Variants in GRM5 observed in about 807,000 individuals in gnomAD.
GRM5 encodes glutamate metabotropic receptor 5, also known as metabotropic glutamate receptor 5.
Under a neutral mutation model 83.1 loss-of-function variants are expected in GRM5, and 19 were observed. The ratio of observed to expected loss-of-function variants is 0.23; its 90% CI spans 0.16 to 0.34. The LOEUF is 0.34. GRM5 is among the 10% of genes least tolerant of loss of function. GRM5 has a pLI of 1.00. For synonymous variants in GRM5, 675 were observed against 633.6 expected (o/e 1.07, Z -0.98); for missense variants, 1,160 against 1,588.3 (o/e 0.73, Z 4.58).
intron 2 of GRM5, among the ~76,000 whole-genome samples, chr11:88,987,736 C>A (rs1161786098): frequency 6.6e-6 from 1 of 151,358 alleles, no homozygotes; most frequent in African/African-American, 2.4e-5. Flanking sequence ...GGAGGCACCC[C>A]CCAGCAGGGG....
intron 9 of GRM5, 66 bp from the exon 10 acceptor site, chr11:88,509,570 C>A: frequency 8.2e-7 from 1 of 1,220,878 alleles, no homozygotes; most frequent in African/African-American, 1.5e-5. Context: ...TGCCGCTTCC[C>A]CAATGGTGGT....
chr11:88,867,842 T>C (rs757750536), intron 2 of GRM5, among the ~76,000 whole-genome samples: 24 of 151,918 alleles, frequency 1.6e-4, no homozygotes, highest in Non-Finnish European at 3.2e-4. Context: ...AATACATTTC[T>C]GTTGTTTACG....
intron 3 of GRM5, among the ~76,000 whole-genome samples, chr11:88,701,383 G>A (rs925306131): frequency 6.6e-6 from 1 of 152,068 alleles, no homozygotes; most frequent in African/African-American, 2.4e-5. Context: ...TGACATTCTG[G>A]GTCACAATTA....
intron 2 of GRM5, among the ~76,000 whole-genome samples, chr11:88,991,844 C>T (rs1308243395): frequency 2.0e-5 from 3 of 152,152 alleles, no homozygotes; most frequent in African/African-American, 4.8e-5. Context: ...CTTCCTTACA[C>T]CTTATACAAA....
chr11:88,943,745 T>A (rs1220254677), intron 2 of GRM5, among the ~76,000 whole-genome samples: 4 of 152,032 alleles, frequency 2.6e-5, no homozygotes, highest in Non-Finnish European at 5.9e-5. Context: ...TACCTCAACA[T>A]ATAGGTTTCA....
chr11:88,732,918 T>C (rs1374253669), intron 3 of GRM5, among the ~76,000 whole-genome samples: 1 of 151,980 alleles, frequency 6.6e-6, no homozygotes, highest in Admixed American at 6.6e-5. Flanking sequence ...AAATTAAGAC[T>C]CTTGCCAAAG....
At chr11:88,643,248 G>T (rs1247782427) in intron 4 of GRM5, among the ~76,000 whole-genome samples, 2 of 133,324 alleles carry the variant, frequency 1.5e-5, no homozygotes, top group African/African-American at 5.3e-5. Context: ...AAAAGACAGA[G>T]TAGGGTAGAG....
intron 3 of GRM5, among the ~76,000 whole-genome samples, chr11:88,674,144 C>T (rs963476491): frequency 1.3e-5 from 2 of 151,780 alleles, no homozygotes; most frequent in African/African-American, 4.8e-5. Context: ...TTGGGAGTCA[C>T]TGACCTTTGC....
At chr11:89,061,395 C>T (rs980520872) in intron 1 of GRM5, among the ~76,000 whole-genome samples, 2 of 152,082 alleles carry the variant, frequency 1.3e-5, no homozygotes, top group Non-Finnish European at 2.9e-5. Flanking sequence ...CCAAAATGAT[C>T]ATTCTGTAAA....
chr11:89,065,221 G>A (rs1441049514), intron 1 of GRM5, among the ~76,000 whole-genome samples: 1 of 150,888 alleles, frequency 6.6e-6, no homozygotes, highest in Non-Finnish European at 1.5e-5. Flanking sequence ...ACACCTAATG[G>A]GCTCAAAGAT....
At chr11:88,924,134 C>A (rs1248047275) in intron 2 of GRM5, among the ~76,000 whole-genome samples, 46 of 146,870 alleles carry the variant, frequency 3.1e-4, no homozygotes, top group East Asian at 8.0e-4. Context: ...TAGCTATAAT[C>A]AAAAAAAAAA....
rs200836634 is a variant in GRM5, at chr11:88,604,714, A to G, written c.1394+4T>C. 55 of 1,609,506 alleles carry G rather than the reference A, an allele frequency of 3.4e-5. No individual in the cohort carries two copies. Among genetic ancestry groups the G allele is most frequent in the Non-Finnish European group, 4.3e-5 (50 of 1,176,126 alleles). ...CTCTGCAGAGGAGAATTGTAACACAATACCTTCCTGGAGAGTCTCCATTCT... is the reference window on the plus strand; with the variant it reads ...CTCTGCAGAGGAGAATTGTAACACAGTACCTTCCTGGAGAGTCTCCATTCT... On this transcript the variant is annotated splice_donor_region_variant and intron_variant, in intron 5 of 9. Transcript: ENST00000305447.
rs1278692020 is a variant in GRM5 at position 88,567,406 on chromosome 11, G to A, written c.2277C>T (p.Phe759=). 6.2e-7 allele frequency: 1 copy of A among 1,613,920 alleles called. No homozygotes were observed. Among genetic ancestry groups the A allele is most frequent in the East Asian group, 2.2e-5 (1 of 44,876 alleles). ...AGTTAGCTGGAACATTTCTGGTCTTGAACGCATAGAAGGTGCAGCTCAAAA... is the reference window on the plus strand; with the variant it reads ...AGTTAGCTGGAACATTTCTGGTCTTAAACGCATAGAAGGTGCAGCTCAAAA... ...LLILSCTFYA[F]KTRNVPANFN... Residue 759 remains phenylalanine, a synonymous_variant, in exon 8 of 10, where the codon TTC becomes TTT. Transcript: ENST00000305447. This position sits in a 1 kb window ranked among gnomAD's most constrained non-coding sequence, Gnocchi z 7.3.
chr11:88,830,745 T>C (rs771263952), intron 3 of GRM5, among the ~76,000 whole-genome samples: 5 of 152,202 alleles, frequency 3.3e-5, no homozygotes, highest in Non-Finnish European at 7.3e-5. Context: ...TGTGTATTCG[T>C]CTGTTTTTAT....
At chr11:88,689,341 A>G (rs2135357276) in intron 3 of GRM5, among the ~76,000 whole-genome samples, 1 of 152,336 alleles carries the variant, frequency 6.6e-6, no homozygotes, top group South Asian at 2.1e-4. Flanking sequence ...ACAAAGAACA[A>G]TATGACCTTA....
intron 2 of GRM5, among the ~76,000 whole-genome samples, chr11:88,914,045 A>C (rs1945549036): frequency 6.6e-6 from 1 of 152,160 alleles, no homozygotes; most frequent in South Asian, 2.1e-4. Context: ...ATATGGGGTA[A>C]ATTCTGTACC....
chr11:88,654,185 A>C (rs1049180261), intron 3 of GRM5, among the ~76,000 whole-genome samples: 3 of 152,164 alleles, frequency 2.0e-5, no homozygotes, highest in African/African-American at 7.2e-5. Context: ...TAGGAATTTT[A>C]AGATAAAAGT....
chr11:88,765,529 A>T (rs1942611451), intron 3 of GRM5, among the ~76,000 whole-genome samples: 1 of 151,714 alleles, frequency 6.6e-6, no homozygotes, highest in Non-Finnish European at 1.5e-5. Flanking sequence ...GCCTAGAAAC[A>T]ATCCTTCACA....
At chr11:88,993,235 C>A (rs1940050729) in intron 2 of GRM5, among the ~76,000 whole-genome samples, 1 of 132,646 alleles carries the variant, frequency 7.5e-6, no homozygotes, top group African/African-American at 2.9e-5. Flanking sequence ...CACTGCACTC[C>A]AGCCTGGAGG....
Sources: allele counts gnomAD v4.1 joint callset (sites outside exome capture counted in the v4.1 genomes callset), GRCh38; gene constraint gnomAD v4.1.1; non-coding constraint Gnocchi (gnomAD v3.1); transcripts MANE v1.5; gene names NCBI Gene and HGNC (gene_info 2026-07-23, HGNC 2026-07-21).